PHACTR2: variants seen among roughly 807,000 people sequenced by gnomAD.
PHACTR2 encodes the protein phosphatase and actin regulator 2, also known as chromosome 6 open reading frame 56.
A neutral mutation model predicts 76.0 loss-of-function variants in PHACTR2; 30 were observed. The observed-to-expected ratio is 0.39, with a 90% CI of 0.30 to 0.54. The LOEUF (loss-of-function observed/expected upper bound fraction) is 0.54, where lower values mean the gene tolerates loss of function less well. Ranked by LOEUF, PHACTR2 falls within the 20% of genes least tolerant of loss-of-function variation. The pLI, the probability that PHACTR2 is intolerant of heterozygous loss-of-function variation, is 0.61. For missense variants in PHACTR2, 696 were observed against 781.1 expected, an observed-to-expected ratio of 0.89 and a Z score of 1.30; for synonymous variants, 292 against 292.5, an observed-to-expected ratio of 1.00 and a Z score of 0.02.
intron 1 of PHACTR2, among the ~76,000 whole-genome samples, chr6:143,626,304 G>A (rs1001349210): frequency 1.4e-4 from 22 of 152,104 alleles, no homozygotes; most frequent in African/African-American, 5.1e-4. Context: ...TTGGGAGGCC[G>A]AGATGGGTGG....
At chr6:143,645,378 G>C (rs921937641) in intron 1 of PHACTR2, among the ~76,000 whole-genome samples, 1 of 151,988 alleles carries the variant, frequency 6.6e-6, no homozygotes, top group Non-Finnish European at 1.5e-5. Context: ...GCAGTGACCT[G>C]GTTGAGTTTG....
chr6:143,792,980 G>T (rs1775729211), intron 11 of PHACTR2, among the ~76,000 whole-genome samples: 1 of 152,198 alleles, frequency 6.6e-6, no homozygotes, highest in South Asian at 2.1e-4. Context: ...TCTTGACAGG[G>T]GAGTGGCAAG....
chr6:143,654,775 G>A lies in PHACTR2; in HGVS notation c.13+46453G>A, dbSNP rs1007523995. The stretch of plus-strand genomic sequence containing the variant: ...GCAATGATCATGCCACCACACTCCC[G>A]CCTAGGTTGCAGAGCAAGACCTTGT... On this transcript the variant is annotated intron_variant, in intron 1 of 11. Coordinates refer to the PHACTR2 transcript ENST00000305766. This position sits in a 1 kb window ranked among gnomAD's most constrained non-coding sequence, Gnocchi z 4.6. 1.1e-4 allele frequency among the ~76,000 whole-genome samples: 17 copies of A among 152,212 alleles called. No homozygotes were observed. Among genetic ancestry groups the A allele is most frequent in the Admixed American group, 7.2e-4 (11 of 15,284 alleles).
Position 143,602,036 on chromosome 6 carries a change from AC to A in PHACTR2, c.217+64830del, listed in dbSNP as rs1399193713. Reference sequence around the variant, plus strand: ...GCATTTATCATTTTTTATGTTAGGAACATTCCAATTCCACTCTTTTAGTTAT... The same window carrying A: ...GCATTTATCATTTTTTATGTTAGGAAATTCCAATTCCACTCTTTTAGTTAT... On this transcript the variant is annotated intron_variant, in intron 1 of 11. Coordinates refer to the PHACTR2 transcript ENST00000367584. This position sits in a 1 kb window ranked among gnomAD's most constrained non-coding sequence, Gnocchi z 6.1. Among the ~76,000 whole-genome samples, 1 of 152,236 alleles carries A rather than the reference AC, an allele frequency of 6.6e-6. No homozygotes were observed. Among genetic ancestry groups the A allele is most frequent in the Non-Finnish European group, 1.5e-5 (1 of 68,034 alleles).
chr6:143,693,273 C>G (rs13193972), intron 1 of PHACTR2, among the ~76,000 whole-genome samples: 37,875 of 151,862 alleles, frequency 0.25, 4,755 homozygotes, highest in Middle Eastern at 0.35. Flanking sequence ...AGTCTTACTC[C>G]ATCACCCAGG....
Position 143,654,629 on chromosome 6 carries a change from A to T in PHACTR2, c.13+46307A>T, listed in dbSNP as rs1206933556. Among the ~76,000 whole-genome samples, 6 of 151,818 alleles carry T rather than the reference A, an allele frequency of 4.0e-5. No individual in the cohort carries two copies. ...AGACCAGCCTGAGCAACATAGCAAG[A>T]CTCCATCTCTACAAAAAGTAAAAAA... On this transcript the variant is annotated intron_variant, in intron 1 of 11. Transcript: ENST00000305766. The surrounding 1 kb of genome is among the most constrained non-coding windows in gnomAD (Gnocchi z 4.6).
Position 143,793,777 on chromosome 6 carries a change from T to C in PHACTR2, c.1845+4867T>C, listed in dbSNP as rs1775768097. ...TAAAAAATACAAAAAATTAGCCGGG[T>C]GTGGTGGCGCGTACCTGTAGTCCCA... On this transcript the variant is annotated intron_variant, in intron 11 of 12. Coordinates refer to ENST00000440869, the MANE Select transcript of PHACTR2 (RefSeq NM_001100164.2). The surrounding 1 kb of genome is among the most constrained non-coding windows in gnomAD (Gnocchi z 4.4). Among the ~76,000 whole-genome samples the C allele has an allele frequency of 6.6e-6, 1 of 151,410 alleles. No individual in the cohort carries two copies. Among genetic ancestry groups the C allele is most frequent in the Non-Finnish European group, 1.5e-5 (1 of 67,856 alleles).
At chr6:143,717,706 G>A (rs1778334829) in intron 2 of PHACTR2, among the ~76,000 whole-genome samples, 1 of 151,806 alleles carries the variant, frequency 6.6e-6, no homozygotes, top group South Asian at 2.1e-4. Flanking sequence ...CCAAATAGCC[G>A]AGACTACAGG....
chr6:143,644,467 CAAAAAA>C (rs373621895), intron 1 of PHACTR2, among the ~76,000 whole-genome samples: 2 of 111,538 alleles, frequency 1.8e-5, no homozygotes, highest in East Asian at 5.0e-4. Flanking sequence ...GACTCCATCT[CAAAAAA>C]AAAAAAAAAA....
rs4624889 is a variant in PHACTR2, at chr6:143,782,283, A to G, written c.1646-936A>G. 0.11 allele frequency among the ~76,000 whole-genome samples: 16,935 copies of G among 152,170 alleles called. 1,127 individuals are homozygous for G. Among genetic ancestry groups the G allele is most frequent in the East Asian group, 0.26 (1,365 of 5,176 alleles). On this transcript the variant is annotated intron_variant, in intron 9 of 12. Coordinates refer to ENST00000440869, the MANE Select transcript of PHACTR2 (RefSeq NM_001100164.2). The surrounding 1 kb of genome is among the most constrained non-coding windows in gnomAD (Gnocchi z 4.6). ...AAATAGAAGAAGTTTTCCTTTTTCA[A>G]CCTTTTGGTCAAGGCTTTATATGGT...
At chr6:143,555,065 C>G (rs1025155639) in intron 1 of PHACTR2, 3 of 152,168 alleles carry the variant, frequency 2.0e-5, no homozygotes, top group East Asian at 3.9e-4. Flanking sequence ...CATACACATA[C>G]GGAGGATTTA....
chr6:143,609,963 ATTAT>A (rs1460794198), intron 1 of PHACTR2, among the ~76,000 whole-genome samples: 1 of 152,190 alleles, frequency 6.6e-6, no homozygotes, highest in Non-Finnish European at 1.5e-5. Context: ...TGAGTTTAAG[ATTAT>A]TTAAACACTG....
intron 1 of PHACTR2, among the ~76,000 whole-genome samples, chr6:143,655,883 A>G (rs943496025): frequency 3.9e-5 from 6 of 152,248 alleles, no homozygotes; most frequent in African/African-American, 1.2e-4. Context: ...AGTTTTCACT[A>G]AAGTTGCTTC....
At chr6:143,705,001 C>T (rs9496745) in intron 1 of PHACTR2, among the ~76,000 whole-genome samples, 3,407 of 151,772 alleles carry the variant, frequency 0.022, 116 homozygotes, top group African/African-American at 0.072. Flanking sequence ...TAATGTTTTG[C>T]ATTTTTAGTA....
intron 1 of PHACTR2, among the ~76,000 whole-genome samples, chr6:143,564,181 G>GTGCATA (rs1554287823): frequency 7.1e-5 from 4 of 56,254 alleles, no homozygotes; most frequent in Non-Finnish European, 1.5e-4. Flanking sequence ...ATGTGTGTGT[G>GTGCATA]TATGTGTGTG....
intron 9 of PHACTR2, among the ~76,000 whole-genome samples, chr6:143,778,720 C>CA (rs1230391138): frequency 2.0e-5 from 3 of 152,312 alleles, no homozygotes; most frequent in African/African-American, 7.2e-5. Flanking sequence ...TAAGCATGCT[C>CA]AAATGCAGAC....
intron 1 of PHACTR2, among the ~76,000 whole-genome samples, chr6:143,657,239 T>A (rs918108278): frequency 3.4e-5 from 5 of 145,232 alleles, no homozygotes; most frequent in South Asian, 4.6e-4. Flanking sequence ...ATCCCAGAAT[T>A]TAAGTAAAAA....
At chr6:143,613,250 C>T (rs1171347914) in intron 1 of PHACTR2, among the ~76,000 whole-genome samples, 2 of 152,264 alleles carry the variant, frequency 1.3e-5, no homozygotes, top group Non-Finnish European at 2.9e-5. Flanking sequence ...GCTGGGATTA[C>T]AGGCGTGAGC....
At chr6:143,673,283 A>T (rs938876006), upstream of PHACTR2, among the ~76,000 whole-genome samples, 2 of 152,166 alleles carry the variant, frequency 1.3e-5, no homozygotes, top group African/African-American at 4.8e-5. Context: ...CTTGCTATGG[A>T]GTCAACATTC....
Sources: allele counts gnomAD v4.1 joint callset (sites outside exome capture counted in the v4.1 genomes callset), GRCh38; gene constraint gnomAD v4.1.1; non-coding constraint Gnocchi (gnomAD v3.1); transcripts MANE v1.5; gene names NCBI Gene and HGNC (gene_info 2026-07-23, HGNC 2026-07-21).